Variants in CASR observed in about 807,000 individuals in gnomAD.
CASR encodes extracellular calcium-sensing receptor.
CASR carries 23 observed loss-of-function variants against 69.1 expected under a neutral mutation model. That is an observed-to-expected ratio of 0.33 (90% CI 0.24 to 0.47). The LOEUF (loss-of-function observed/expected upper bound fraction) is 0.47. CASR is among the 20% of genes least tolerant of loss of function. The pLI is 1.00. For missense variants in CASR, 924 were observed against 1,356.1 expected (o/e 0.68, Z 5.00); for synonymous variants, 541 against 544.7 (o/e 0.99, Z 0.10).
At chr3:122,262,506 C>T in intron 4 of CASR, 94 bp downstream of exon 4, 1 of 1,128,312 alleles carries the variant, frequency 8.9e-7, no homozygotes, top group Non-Finnish European at 1.3e-6. Context: ...TTGAAAAGGG[C>T]AATATTTAAA....
At chr3:122,202,346 G>T (rs1165896191) in intron 1 of CASR, among the ~76,000 whole-genome samples, 1 of 152,108 alleles carries the variant, frequency 6.6e-6, no homozygotes, top group Non-Finnish European at 1.5e-5. Context: ...CAGGGAGGTT[G>T]CAGTGAGCCG....
intron 4 of CASR, among the ~76,000 whole-genome samples, chr3:122,268,197 T>G (rs2074715518): frequency 1.3e-5 from 2 of 152,362 alleles, no homozygotes; most frequent in South Asian, 4.1e-4. Flanking sequence ...TTAAGTTTAT[T>G]ATGAGGATAC....
At chr3:122,191,443 C>G (rs1286077418) in intron 1 of CASR, among the ~76,000 whole-genome samples, 1 of 151,984 alleles carries the variant, frequency 6.6e-6, no homozygotes, top group Non-Finnish European at 1.5e-5. Context: ...TCCCAAGTAG[C>G]TGGGATTACA....
In CASR at chr3:122,285,177, G is replaced by C. The variant is rs748855270; in HGVS notation, c.3223G>C (p.Val1075Leu). The change falls in exon 7 of 7, where the codon GTA becomes CTA. Residue 1075 changes from valine (V) to leucine (L), a missense_variant. Val to Leu is a conservative substitution (Grantham distance 32). Around this residue, in one of 8 missense-constraint regions of CASR, gnomAD observed 201 missense variants for 228.8 expected, o/e 0.88. Transcript: ENST00000639785. ...TGGAGGCAGCACTGTTACAGAAAAC[G>C]TAGTGAATTCATAAAATGGAAGGAG... is the stretch of plus-strand genomic sequence containing the variant. ...SGGGSTVTEN[V>L]VNS The C allele has an allele frequency of 6.2e-7, 1 of 1,614,050 alleles. No homozygotes were observed. Among genetic ancestry groups the C allele is most frequent in the African/African-American group, 1.3e-5 (1 of 75,024 alleles).
chr3:122,257,042 G>A, intron 2 of CASR, 39 bp from the exon 3 acceptor site: 1 of 1,588,402 alleles, frequency 6.3e-7, no homozygotes, highest in Non-Finnish European at 8.6e-7. Context: ...TCGTTGACTA[G>A]AAAGCTTCCC....
chr3:122,284,437 C>T lies in CASR; in HGVS notation c.2483C>T (p.Thr828Ile). The change falls in exon 7 of 7, where the codon ACC becomes ATC. Residue 828 changes from threonine (T) to isoleucine (I), a missense_variant. This residue lies in a region of CASR where 184 missense variants were observed against 278.8 expected (regional missense o/e 0.66). Coordinates refer to ENST00000639785, the MANE Select transcript of CASR (RefSeq NM_000388.4). Reference protein sequence around the residue: ...WISFIPAYASTYGKFVSAVEV... With the variant: ...WISFIPAYASIYGKFVSAVEV... ...TCCTTCATTCCAGCCTATGCCAGCA[C>T]CTATGGCAAGTTTGTCTCTGCCGTA... The T allele has an allele frequency of 6.2e-7, 1 of 1,613,924 alleles. No individual in the cohort carries two copies. The highest frequency in any genetic ancestry group is 8.5e-7 in the Non-Finnish European group (1 of 1,180,044).
intron 3 of CASR, among the ~76,000 whole-genome samples, chr3:122,258,085 T>C (rs2074576217): frequency 6.6e-6 from 1 of 152,210 alleles, no homozygotes; most frequent in Non-Finnish European, 1.5e-5. Context: ...TGAAGTGCCA[T>C]TTTATAACCT....
chr3:122,232,222 TTAAG>T (rs1389774088), intron 1 of CASR, among the ~76,000 whole-genome samples: 2 of 152,114 alleles, frequency 1.3e-5, no homozygotes, highest in African/African-American at 2.4e-5. Context: ...CAGCCATTCA[TTAAG>T]TGTCTGCTGT....
chr3:122,202,137 C>G (rs2073961664), intron 1 of CASR, among the ~76,000 whole-genome samples: 1 of 152,324 alleles, frequency 6.6e-6, no homozygotes, highest in South Asian at 2.1e-4. Context: ...CCATTGAGCA[C>G]TGAGTGAACC....
intron 1 of CASR, among the ~76,000 whole-genome samples, chr3:122,190,047 G>A (rs143367362): frequency 6.6e-6 from 1 of 152,274 alleles, no homozygotes; most frequent in Non-Finnish European, 1.5e-5. Flanking sequence ...TTGTGAGAGA[G>A]ACTGGGTAGG....
Position 122,257,177 on chromosome 3 carries a change from A to T in CASR, c.282A>T (p.Gly94=), listed in dbSNP as rs1426150772. The T allele has an allele frequency of 1.9e-6, 3 of 1,614,154 alleles. No individual in the cohort carries two copies. The Admixed American group carries it at 5.0e-5, about 27-fold the overall frequency. ...CCCTTCTTCCCAACTTGACGCTGGGATACAGGATATTTGACACTTGCAACA... is the reference window on the plus strand; with the variant it reads ...CCCTTCTTCCCAACTTGACGCTGGGTTACAGGATATTTGACACTTGCAACA... The part of the protein sequence containing the change: ...SPALLPNLTL[G]YRIFDTCNTV... Residue 94 remains glycine, a synonymous_variant, in exon 3 of 7, where the codon GGA becomes GGT. Transcript: ENST00000639785.
chr3:122,289,140 C>G lies in CASR; in HGVS notation c.*3949C>G, dbSNP rs2074991436. ...CTGGTTCTGCCCAGCCAGAGCTTCC[C>G]TTTGCTCATCTGCTGCATTTGAAAT... On this transcript the variant is annotated 3_prime_UTR_variant, in exon 7 of 7. Coordinates refer to ENST00000639785, the MANE Select transcript of CASR (RefSeq NM_000388.4). The G allele has an allele frequency of 6.6e-6, 1 of 152,214 alleles. No individual in the cohort carries two copies. Among genetic ancestry groups the G allele is most frequent in the African/African-American group, 2.4e-5 (1 of 41,456 alleles). The allele number at this position is 152,214 out of a possible 1,614,324, so 9.4% of individuals were successfully genotyped here.
At chr3:122,217,864 G>A (rs2074132581) in intron 1 of CASR, among the ~76,000 whole-genome samples, 1 of 152,022 alleles carries the variant, frequency 6.6e-6, no homozygotes, top group African/African-American at 2.4e-5. Flanking sequence ...ATTAATACAA[G>A]GACTAGAATT....
chr3:122,221,932 T>C (rs1489730836), intron 1 of CASR, among the ~76,000 whole-genome samples: 2 of 152,194 alleles, frequency 1.3e-5, no homozygotes, highest in Admixed American at 6.5e-5. Context: ...TCCTCTCCCA[T>C]TTCTTTTTAT....
At chr3:122,199,257 C>T (rs1203041563) in intron 1 of CASR, among the ~76,000 whole-genome samples, 2 of 152,234 alleles carry the variant, frequency 1.3e-5, no homozygotes, top group Non-Finnish European at 2.9e-5. Flanking sequence ...TGGAACTCAT[C>T]CACTGCAAGT....
chr3:122,261,635 C>T lies in CASR; in HGVS notation c.600C>T (p.Ile200=), dbSNP rs1166789936. ...DEHQATAMAD[I]IEYFRWNWVG... is the part of the protein sequence containing the mutation. Reference sequence around the variant, plus strand: ...ACCAGGCCACTGCCATGGCAGACATCATCGAGTATTTCCGCTGGAACTGGG... The same window carrying T: ...ACCAGGCCACTGCCATGGCAGACATTATCGAGTATTTCCGCTGGAACTGGG... Residue 200 remains isoleucine (I), a synonymous_variant, in exon 4 of 7, where the codon ATC becomes ATT. Transcript: ENST00000639785. 1.9e-6 allele frequency: 3 copies of T among 1,614,218 alleles called. No individual in the cohort carries two copies. Among genetic ancestry groups the T allele is most frequent in the Non-Finnish European group, 2.5e-6 (3 of 1,180,012 alleles).
chr3:122,254,075 C>A lies in CASR; in HGVS notation c.-115C>A. On this transcript the variant is annotated 5_prime_UTR_variant, in exon 2 of 7. Coordinates refer to ENST00000639785, the MANE Select transcript of CASR (RefSeq NM_000388.4). ...CCACGTCTTCTATTATTTTATTAATCAATCTGTAGACATGTGTCCCCACTG... is the reference window on the plus strand; with the variant it reads ...CCACGTCTTCTATTATTTTATTAATAAATCTGTAGACATGTGTCCCCACTG... The A allele has an allele frequency of 1.1e-6, 1 of 895,384 alleles. No homozygotes were observed. Among genetic ancestry groups the A allele is most frequent in the Non-Finnish European group, 1.9e-6 (1 of 534,150 alleles). The allele number at this position is 895,384 out of a possible 1,614,324, so 55.5% of individuals were successfully genotyped here.
At chr3:122,252,547 AC>A (rs751902112) in intron 1 of CASR, among the ~76,000 whole-genome samples, 10 of 151,408 alleles carry the variant, frequency 6.6e-5, no homozygotes, top group Non-Finnish European at 1.5e-4. Flanking sequence ...GGGGAGAGGG[AC>A]AAAGAAAAAG....
chr3:122,190,276 A>C (rs1341351899), intron 1 of CASR, among the ~76,000 whole-genome samples: 1 of 152,204 alleles, frequency 6.6e-6, no homozygotes, highest in Non-Finnish European at 1.5e-5. Context: ...GATTCGGGGA[A>C]AGGTAGTGAG....
Sources: allele counts gnomAD v4.1 joint callset (sites outside exome capture counted in the v4.1 genomes callset), GRCh38; gene constraint gnomAD v4.1.1; regional missense constraint gnomAD v4.1.1; transcripts MANE v1.5; gene names NCBI Gene and HGNC (gene_info 2026-07-23, HGNC 2026-07-21).